ZNF516: variants seen among roughly 807,000 people sequenced by gnomAD.
The protein encoded by ZNF516 is zinc finger protein 516.
A neutral mutation model predicts 79.7 loss-of-function variants in ZNF516; 19 were observed. That is an observed-to-expected ratio of 0.24 (90% CI 0.17 to 0.35). ZNF516 has a LOEUF of 0.35. Ranked by LOEUF, ZNF516 falls within the 10% of genes least tolerant of loss-of-function variation. ZNF516 has a pLI of 1.00. For synonymous variants in ZNF516, 877 were observed against 739.5 expected (o/e 1.19, Z -3.02); for missense variants, 1,678 against 1,679.5 (o/e 1.00, Z 0.02).
chr18:76,441,900 C>T lies in ZNF516; in HGVS notation c.1155G>A (p.Gln385=). Residue 385 remains glutamine (Q), a synonymous_variant, in exon 3 of 7, where the codon CAG becomes CAA. Transcript: ENST00000443185. ...GPSDTKQFFL[Q]CLNLRPSAAG... is the part of the protein sequence containing the mutation. ...CCGCCGACGGCCTCAGGTTCAGGCA[C>T]TGGAGGAAGAACTGCTTGGTGTCCG... The T allele has an allele frequency of 1.2e-6, 2 of 1,600,808 alleles. No homozygotes were observed. Among genetic ancestry groups the T allele is most frequent in the Non-Finnish European group, 1.7e-6 (2 of 1,177,466 alleles).
At chr18:76,455,778 C>A (rs1340980688) in intron 2 of ZNF516, among the ~76,000 whole-genome samples, 10 of 152,208 alleles carry the variant, frequency 6.6e-5, no homozygotes, top group Non-Finnish European at 1.3e-4. Flanking sequence ...ACACACGTGA[C>A]ACGCTACACA....
Position 76,379,111 on chromosome 18 carries a change from C to A in ZNF516, c.3003G>T (p.Glu1001Asp). 1 of 1,611,868 alleles carries A rather than the reference C, an allele frequency of 6.2e-7. No homozygotes were observed. The highest frequency in any genetic ancestry group is 8.5e-7 in the Non-Finnish European group (1 of 1,179,660). ...GCTCCTGGGCTGCCTTCGAGGGGGG[C>A]TCGCGGGGAGGTAGAGGAGGAGCGC... The part of the protein sequence containing the change: ...EGGAPPLPPR[E>D]PPSKAAQELR... Residue 1001 changes from glutamate to aspartate, a missense_variant, in exon 4 of 7, where the codon GAG becomes GAT. Glu to Asp is a conservative substitution (Grantham distance 45). Transcript: ENST00000443185.
At chr18:76,482,673 C>T (rs941321113) in intron 1 of ZNF516, among the ~76,000 whole-genome samples, 1 of 152,186 alleles carries the variant, frequency 6.6e-6, no homozygotes, top group Non-Finnish European at 1.5e-5. Context: ...GCAGCCCTGT[C>T]GTAAATTAGA....
At chr18:76,492,952 G>T in intron 1 of ZNF516, 2 of 985,642 alleles carry the variant, frequency 2.0e-6, no homozygotes, top group Non-Finnish European at 2.4e-6. Flanking sequence ...TTCACAGTGT[G>T]CAGACACATG....
chr18:76,402,756 C>T (rs1019443646), intron 3 of ZNF516, among the ~76,000 whole-genome samples: 1 of 152,262 alleles, frequency 6.6e-6, no homozygotes, highest in African/African-American at 2.4e-5. Context: ...TAGAAGCGAG[C>T]TCCATCGGGC....
chr18:76,416,697 G>T (rs1422763774), intron 3 of ZNF516, among the ~76,000 whole-genome samples: 3 of 152,180 alleles, frequency 2.0e-5, no homozygotes, highest in Non-Finnish European at 4.4e-5. Context: ...TGAAGCTAAG[G>T]TTTAAAAGTC....
intron 3 of ZNF516, among the ~76,000 whole-genome samples, chr18:76,398,944 A>T (rs1196643237): frequency 1.3e-5 from 2 of 152,156 alleles, no homozygotes; most frequent in Non-Finnish European, 2.9e-5. Flanking sequence ...TTATTAGTAG[A>T]GTCTTCAGAT....
chr18:76,488,177 CT>C, intron 1 of ZNF516: 1 of 985,390 alleles, frequency 1.0e-6, no homozygotes, highest in Non-Finnish European at 1.2e-6. Flanking sequence ...CTACAATTCA[CT>C]TGAAAAATGC....
At chr18:76,491,096 C>A in intron 1 of ZNF516, 1 of 985,176 alleles carries the variant, frequency 1.0e-6, no homozygotes, top group Non-Finnish European at 1.2e-6. Context: ...CTCGGGGCCA[C>A]GCCTTTCCCA....
chr18:76,449,520 T>C (rs1912267440), intron 2 of ZNF516, among the ~76,000 whole-genome samples: 1 of 152,264 alleles, frequency 6.6e-6, no homozygotes, highest in African/African-American at 2.4e-5. Flanking sequence ...GTTCTGCCAC[T>C]ACCTGAGGTC....
intron 1 of ZNF516, among the ~76,000 whole-genome samples, chr18:76,478,581 T>C (rs1914310903): frequency 6.6e-6 from 1 of 152,224 alleles, no homozygotes; most frequent in African/African-American, 2.4e-5. Flanking sequence ...AGGCTGAATG[T>C]AAAATTATTA....
chr18:76,397,151 C>T (rs929126381), intron 3 of ZNF516, among the ~76,000 whole-genome samples: 1 of 152,134 alleles, frequency 6.6e-6, no homozygotes, highest in African/African-American at 2.4e-5. Flanking sequence ...GGCACCGAGT[C>T]GGGGAGACCC....
At chr18:76,364,561 T>TC (rs2074585353) in intron 6 of ZNF516, among the ~76,000 whole-genome samples, 1 of 152,200 alleles carries the variant, frequency 6.6e-6, no homozygotes, top group African/African-American at 2.4e-5. Flanking sequence ...TGAAGGTATT[T>TC]CAGTGTTCTA....
At chr18:76,441,124 G>A (rs1305705973) in intron 3 of ZNF516, 121 bp downstream of exon 3, 5 of 1,389,340 alleles carry the variant, frequency 3.6e-6, no homozygotes, top group Admixed American at 2.7e-5. Context: ...GCCTAGCTGA[G>A]TAAAGGGCCA....
chr18:76,370,368 C>T (rs1020619489), intron 6 of ZNF516, among the ~76,000 whole-genome samples, 160 bp downstream of exon 6: 6 of 152,164 alleles, frequency 3.9e-5, no homozygotes, highest in Non-Finnish European at 7.3e-5. Flanking sequence ...TGCCCACAGA[C>T]GGCCCCGAAG....
Position 76,442,101 on chromosome 18 carries a change from G to A in ZNF516, c.954C>T (p.Ile318=). The A allele has an allele frequency of 1.2e-6, 2 of 1,614,044 alleles. No homozygotes were observed. The highest frequency in any genetic ancestry group is 1.7e-6 in the Non-Finnish European group (2 of 1,179,904). ...PKSELDPIAT[I]NNVVQEEVIV... ...TCACCTCCTCCTGGACCACGTTGTTGATGGTGGCGATGGGGTCCAGCTCAC... is the reference window on the plus strand; with the variant it reads ...TCACCTCCTCCTGGACCACGTTGTTAATGGTGGCGATGGGGTCCAGCTCAC... The change falls in exon 3 of 7, where the codon ATC becomes ATT. Residue 318 remains isoleucine, a synonymous_variant. Transcript: ENST00000443185.
chr18:76,390,065 A>G (rs946966009), intron 3 of ZNF516, among the ~76,000 whole-genome samples: 7 of 152,182 alleles, frequency 4.6e-5, no homozygotes, highest in African/African-American at 1.4e-4. Flanking sequence ...CAAGCACAAA[A>G]CCACGAACAT....
intron 3 of ZNF516, among the ~76,000 whole-genome samples, chr18:76,392,136 AC>A (rs896580295): frequency 1.3e-5 from 2 of 152,232 alleles, no homozygotes; most frequent in Admixed American, 6.5e-5. Context: ...GAAACACAGT[AC>A]GGCCAAGGGA....
At chr18:76,456,672 C>T (rs1247498154) in intron 2 of ZNF516, among the ~76,000 whole-genome samples, 4 of 131,014 alleles carry the variant, frequency 3.1e-5, no homozygotes, top group Admixed American at 9.0e-5. Flanking sequence ...AGGCGCAGGT[C>T]GAGACTCTGC....
Sources: allele counts gnomAD v4.1 joint callset (sites outside exome capture counted in the v4.1 genomes callset), GRCh38; gene constraint gnomAD v4.1.1; transcripts MANE v1.5; gene names NCBI Gene and HGNC (gene_info 2026-07-23, HGNC 2026-07-21).